The following ZNF780B variants were observed in gnomAD, a reference collection of about 807,000 sequenced individuals.
ZNF780B encodes zinc finger protein 780B.
Under a neutral mutation model 74.1 loss-of-function variants are expected in ZNF780B, and 52 were observed. The observed-to-expected ratio is 0.70, with a 90% confidence interval of 0.56 to 0.88. The LOEUF is 0.88. ZNF780B is among the 40% of genes least tolerant of loss of function. The pLI is 0.00. For synonymous variants in ZNF780B, 315 were observed against 324.3 expected (o/e 0.97, Z 0.31); for missense variants, 953 against 1,007.6 (o/e 0.95, Z 0.73).
rs183384903 is a variant in ZNF780B, at chr19:40,048,067, G to A, written c.137-597C>T. On this transcript the variant is annotated intron_variant, in intron 3 of 4. Transcript: ENST00000434248. The stretch of plus-strand genomic sequence containing the variant: ...CAAAACAAGTAACGGAAGGTCTGTC[G>A]AAGGAAATGGAATATACTGACTTAG... 1.1e-3 allele frequency among the ~76,000 whole-genome samples: 166 copies of A among 152,264 alleles called. 1 individual carries two copies. Among genetic ancestry groups the A allele is most frequent in the Middle Eastern group, 6.8e-3 (2 of 294 alleles).
At chr19:40,043,519 A>C (rs1972770448) in intron 4 of ZNF780B, among the ~76,000 whole-genome samples, 1 of 152,256 alleles carries the variant, frequency 6.6e-6, no homozygotes, top group Non-Finnish European at 1.5e-5. Context: ...TGGAGCCTAC[A>C]GAGGCAGGCA....
At position 40,035,916 on chromosome 19, in the gene ZNF780B, G is replaced by A. The variant is rs368838666; in HGVS notation, c.943C>T (p.Arg315Ter). The A allele has an allele frequency of 5.1e-5, 83 of 1,612,928 alleles. No homozygotes were observed. Among genetic ancestry groups the A allele is most frequent in the Non-Finnish European group, 6.2e-5 (73 of 1,179,766 alleles). The part of the protein sequence containing the change: ...FVCRECEMAF[R>*]YHYQLIEHCR... ...TGTTCAATGAGTTGGTAATGATATCGAAAGGCCATCTCACATTCCCTACAT... is the reference window on the plus strand; with the variant it reads ...TGTTCAATGAGTTGGTAATGATATCAAAAGGCCATCTCACATTCCCTACAT... The change falls in exon 5 of 5, where the codon CGA becomes TGA. Residue 315 changes from arginine (R) to a stop codon, truncating the protein, a stop_gained. Transcript: ENST00000434248. LOFTEE classifies it high-confidence loss of function.
At chr19:40,039,055 T>G (rs1204381378) in intron 4 of ZNF780B, among the ~76,000 whole-genome samples, 1 of 151,628 alleles carries the variant, frequency 6.6e-6, no homozygotes, top group African/African-American at 2.4e-5. Flanking sequence ...GTCTAACATG[T>G]AAGTCTTTAA....
chr19:40,047,573 A>G (rs1972991101), intron 3 of ZNF780B, 103 bp from the exon 4 acceptor site: 1 of 678,554 alleles, frequency 1.5e-6, no homozygotes, highest in Non-Finnish European at 2.3e-6. Flanking sequence ...CCAAAACAAT[A>G]TTGAGAAGAG....
chr19:40,043,130 C>T (rs1272362478), intron 4 of ZNF780B, among the ~76,000 whole-genome samples: 3 of 150,536 alleles, frequency 2.0e-5, no homozygotes, highest in African/African-American at 4.9e-5. Flanking sequence ...AGACAGGACC[C>T]TCAGCTGCAG....
At chr19:40,038,069 C>G (rs1972438900) in intron 4 of ZNF780B, among the ~76,000 whole-genome samples, 1 of 151,998 alleles carries the variant, frequency 6.6e-6, no homozygotes. Flanking sequence ...CCCACCTCCT[C>G]CCACCCCACA....
rs1200424395 is a variant in ZNF780B, at chr19:40,036,456, G to A, written c.403C>T (p.Gln135Ter). 5 of 1,609,368 alleles carry A rather than the reference G, an allele frequency of 3.1e-6. No individual in the cohort carries two copies. The South Asian group carries it at 5.6e-5, about 18-fold the overall frequency. Residue 135 changes from glutamine (Q) to a stop codon, truncating the protein, a stop_gained, in exon 5 of 5, where the codon CAA (glutamine) becomes TAA (stop). Coordinates refer to ENST00000434248, the MANE Select transcript of ZNF780B (RefSeq NM_001005851.3). LOFTEE classifies it high-confidence loss of function. ...ATCTTCTGGTTGATATATCCTTCTT[G>A]ATGTCCCTGTCGTCCCTCAAATCTA... The part of the protein sequence containing the change: ...RSRFEGRQGH[Q>*]EGYINQKIIS...
chr19:40,036,610 A>G lies in ZNF780B; in HGVS notation c.249T>C (p.Tyr83=). The G allele has an allele frequency of 2.0e-6, 3 of 1,537,310 alleles. No individual in the cohort carries two copies. Among genetic ancestry groups the G allele is most frequent in the Non-Finnish European group, 2.6e-6 (3 of 1,145,198 alleles). The change falls in exon 5 of 5, where the codon TAT becomes TAC. Residue 83 remains tyrosine, a synonymous_variant. Coordinates refer to ENST00000434248, the MANE Select transcript of ZNF780B (RefSeq NM_001005851.3). The stretch of plus-strand genomic sequence containing the variant: ...TTTCTGGAGATATTTTCTCAGGTCC[A>G]TATTTTGACTCCAAATCTGAAAGAA... ...SRWYPDLESK[Y]GPEKISPEND... is the part of the protein sequence containing the mutation.
At chr19:40,051,955 G>A (rs1025267111) in intron 1 of ZNF780B, among the ~76,000 whole-genome samples, 1 of 152,076 alleles carries the variant, frequency 6.6e-6, no homozygotes, top group African/African-American at 2.4e-5. Context: ...ATTTTCTTGA[G>A]TATCATTGTT....
chr19:40,040,013 T>C (rs1972556090), intron 4 of ZNF780B, among the ~76,000 whole-genome samples: 2 of 152,086 alleles, frequency 1.3e-5, no homozygotes, highest in South Asian at 4.2e-4. Context: ...ATGCTTCCAG[T>C]TTTTGCCCAT....
chr19:40,039,994 T>C (rs1972555060), intron 4 of ZNF780B, among the ~76,000 whole-genome samples: 1 of 152,114 alleles, frequency 6.6e-6, no homozygotes, highest in Non-Finnish European at 1.5e-5. Flanking sequence ...GTGCCAGTTT[T>C]CAAAGGGAAT....
Position 40,031,030 on chromosome 19 carries a change from T to C in ZNF780B, c.*3327A>G, listed in dbSNP as rs576085603. On this transcript the variant is annotated 3_prime_UTR_variant, in exon 5 of 5. Transcript: ENST00000434248. Reference sequence around the variant, plus strand: ...TATGATTATAGATGCAATTAAATGGTAAAAGATAGAATTAAGTAGTCTATT... The same window carrying C: ...TATGATTATAGATGCAATTAAATGGCAAAAGATAGAATTAAGTAGTCTATT... 37 of 152,274 alleles carry C rather than the reference T, an allele frequency of 2.4e-4. No individual in the cohort carries two copies. The highest frequency in any genetic ancestry group is 8.9e-4 in the African/African-American group (37 of 41,544). The allele number at this position is 152,274 out of a possible 1,614,324, so 9.4% of individuals were successfully genotyped here.
rs1471583486 is a variant in ZNF780B at position 40,028,611 on chromosome 19, G to A, written c.*5746C>T. ...GTTGTAGCGTTTAAGATTAAATTTG[G>A]TTGTGAGTAAAATAGTAAAACTGCC... On this transcript the variant is annotated 3_prime_UTR_variant, in exon 5 of 5. Transcript: ENST00000434248. 2 of 152,124 alleles carry A rather than the reference G, an allele frequency of 1.3e-5. No individual in the cohort carries two copies. The highest frequency in any genetic ancestry group is 2.9e-5 in the Non-Finnish European group (2 of 68,028). The allele number at this position is 152,124 out of a possible 1,614,324, so 9.4% of individuals were successfully genotyped here. A position where few individuals can be genotyped will look rare whatever the true frequency, so the allele number is the denominator to read the frequency against.
intron 1 of ZNF780B, among the ~76,000 whole-genome samples, chr19:40,053,138 G>A (rs1236832603): frequency 6.6e-6 from 1 of 152,118 alleles, no homozygotes; most frequent in East Asian, 1.9e-4. Context: ...AAAGTGAAGA[G>A]ACTACCTACA....
At chr19:40,041,617 T>C in intron 4 of ZNF780B, among the ~76,000 whole-genome samples, 1 of 152,232 alleles carries the variant, frequency 6.6e-6, no homozygotes, top group Admixed American at 6.5e-5. Flanking sequence ...ATATTTAGGA[T>C]AGTTAGCGCT....
chr19:40,053,868 C>T (rs1471750786), intron 1 of ZNF780B, among the ~76,000 whole-genome samples: 4 of 152,334 alleles, frequency 2.6e-5, no homozygotes, highest in South Asian at 2.1e-4. Context: ...AGGCCAGGTG[C>T]GGTGGCTCAC....
At chr19:40,039,359 T>C (rs1465481580) in intron 4 of ZNF780B, among the ~76,000 whole-genome samples, 1 of 152,254 alleles carries the variant, frequency 6.6e-6, no homozygotes, top group South Asian at 2.1e-4. Context: ...GCCTCCGGCT[T>C]TGTTCTTTTG....
rs971361147 is a variant in ZNF780B, at chr19:40,031,442, A to C, written c.*2915T>G. On this transcript the variant is annotated 3_prime_UTR_variant, in exon 5 of 5. Transcript: ENST00000434248. ...TTGCCATGTTGGCCAAGTTGGTCTCAAACTCCTGACCTCAGGTGATCTGCC... is the reference window on the plus strand; with the variant it reads ...TTGCCATGTTGGCCAAGTTGGTCTCCAACTCCTGACCTCAGGTGATCTGCC... The C allele has an allele frequency of 2.0e-5, 3 of 152,256 alleles. No individual in the cohort carries two copies. Among genetic ancestry groups the C allele is most frequent in the Non-Finnish European group, 4.4e-5 (3 of 68,070 alleles). 9.4% of individuals were successfully genotyped at this position (152,256 alleles called of 1,614,324 possible).
chr19:40,042,314 A>T (rs234299), intron 4 of ZNF780B, among the ~76,000 whole-genome samples: 31,234 of 151,762 alleles, frequency 0.21, 6,990 homozygotes, highest in African/African-American at 0.56. Context: ...ACCCGACCTT[A>T]CTCTCTGGCT....
Sources: gnomAD v4.1 joint callset for allele counts (sites outside exome capture counted in the v4.1 genomes callset) on GRCh38, gnomAD v4.1.1 for gene constraint, MANE v1.5 for transcripts, NCBI Gene and HGNC (gene_info 2026-07-23, HGNC 2026-07-21) for gene names.